Variants in LINGO2 observed in about 807,000 individuals in gnomAD.
LINGO2 encodes the protein leucine-rich repeat and immunoglobulin-like domain-containing nogo receptor-interacting protein 2.
LINGO2 carries 14 observed loss-of-function variants against 30.6 expected under a neutral mutation model. The observed-to-expected ratio is 0.46, with a 90% CI of 0.30 to 0.72. The LOEUF (loss-of-function observed/expected upper bound fraction) is 0.72, where lower values mean the gene tolerates loss of function less well. Among genes scored for constraint, LINGO2 ranks in the 30% least tolerant of loss-of-function variants. LINGO2 has a pLI of 0.07. For synonymous variants in LINGO2, 317 were observed against 288.5 expected (o/e 1.10, Z -1.00); for missense variants, 729 against 751.7 (o/e 0.97, Z 0.35).
In LINGO2 at chr9:28,427,755, T is replaced by C. The variant is rs77851246; in HGVS notation, c.-279+48185A>G. On this transcript the variant is annotated intron_variant, in intron 2 of 5. Coordinates refer to ENST00000379992, the Ensembl canonical transcript of LINGO2. ...TCGTTCCAAAGGTATTCCTTTGTGT[T>C]ATGCATCAGGTGAAAAAGCTGTGCC... Among the ~76,000 whole-genome samples the C allele has an allele frequency of 6.5e-3, 995 of 152,256 alleles. 43 individuals are homozygous for C. In the East Asian group the frequency reaches 0.093, roughly 14 times the overall value.
the LINGO2 span, among the ~76,000 whole-genome samples, chr9:28,867,104 C>G: frequency 1.3e-5 from 2 of 152,186 alleles, no homozygotes; most frequent in African/African-American, 2.4e-5. Flanking sequence ...GCAGAACTGA[C>G]AGAGGAATCT....
chr9:29,091,256 T>A, the LINGO2 span, among the ~76,000 whole-genome samples: 1 of 152,156 alleles, frequency 6.6e-6, no homozygotes, highest in East Asian at 1.9e-4. Context: ...TAGTTACTCA[T>A]TTTACTTTAT....
intron 2 of LINGO2, among the ~76,000 whole-genome samples, chr9:28,373,410 A>T (rs1820981386): frequency 6.6e-6 from 1 of 152,182 alleles, no homozygotes; most frequent in South Asian, 2.1e-4. Context: ...GTTGTTTATA[A>T]TAAATGCTCT....
At chr9:28,695,860 T>C in the LINGO2 span, among the ~76,000 whole-genome samples, 23 of 151,932 alleles carry the variant, frequency 1.5e-4, no homozygotes, top group African/African-American at 3.1e-4. Flanking sequence ...ACTTCCCCAA[T>C]TGATAATTTT....
At chr9:28,871,939 T>G in the LINGO2 span, among the ~76,000 whole-genome samples, 1 of 152,048 alleles carries the variant, frequency 6.6e-6, no homozygotes, top group African/African-American at 2.4e-5. Flanking sequence ...CTACCTTATT[T>G]GGAGATTAAT....
chr9:28,652,415 G>A (rs748014479), intron 1 of LINGO2, among the ~76,000 whole-genome samples: 2 of 151,958 alleles, frequency 1.3e-5, no homozygotes, highest in South Asian at 2.1e-4. Context: ...TTTATTTTTG[G>A]TGACAGTTTC....
the LINGO2 span, chr9:27,941,417 C>T: frequency 1.3e-5 from 2 of 152,168 alleles, no homozygotes; most frequent in Non-Finnish European, 2.9e-5. Context: ...AGCCTGTTGA[C>T]AGAGTGAGAC....
chr9:28,052,440 G>C (rs1170221839), intron 4 of LINGO2, among the ~76,000 whole-genome samples: 1 of 152,054 alleles, frequency 6.6e-6, no homozygotes, highest in Non-Finnish European at 1.5e-5. Context: ...AGAAGCTAGA[G>C]AGCACATTTC....
At chr9:28,921,535 G>T in the LINGO2 span, among the ~76,000 whole-genome samples, 1 of 152,272 alleles carries the variant, frequency 6.6e-6, no homozygotes, top group East Asian at 1.9e-4. Context: ...TGTGATGTGG[G>T]GACCTGCTGC....
At chr9:28,721,560 C>A in the LINGO2 span, among the ~76,000 whole-genome samples, 4 of 152,202 alleles carry the variant, frequency 2.6e-5, no homozygotes, top group Admixed American at 2.6e-4. Flanking sequence ...AACACAGGAA[C>A]AGAAAACCAA....
chr9:28,467,622 A>G (rs1437994110), intron 2 of LINGO2, among the ~76,000 whole-genome samples: 1 of 152,178 alleles, frequency 6.6e-6, no homozygotes, highest in Non-Finnish European at 1.5e-5. Context: ...AGAAAACTAC[A>G]GTAAAATTGA....
intron 2 of LINGO2, among the ~76,000 whole-genome samples, chr9:28,427,659 C>T (rs9298895): frequency 0.13 from 19,302 of 152,072 alleles, 1,426 homozygotes; most frequent in East Asian, 0.24. Flanking sequence ...TTTTATGCTC[C>T]TATTCCACAG....
At chr9:29,118,152 T>C in the LINGO2 span, among the ~76,000 whole-genome samples, 1 of 152,148 alleles carries the variant, frequency 6.6e-6, no homozygotes, top group African/African-American at 2.4e-5. Context: ...AGTTTCTTCA[T>C]TGCTGTTGGT....
At chr9:28,628,359 T>G (rs10757759) in intron 1 of LINGO2, among the ~76,000 whole-genome samples, 53,449 of 151,946 alleles carry the variant, frequency 0.35, 10,109 homozygotes, top group African/African-American at 0.46. Context: ...TGAGGCTGTG[T>G]CAGAGTTTGC....
At chr9:28,506,487 T>C (rs12352457) in intron 1 of LINGO2, among the ~76,000 whole-genome samples, 1,039 of 40,352 alleles carry the variant, frequency 0.026, 26 homozygotes, top group East Asian at 0.081. Context: ...CACATACACA[T>C]ACACACACAC....
At chr9:28,638,551 G>C (rs1485447539) in intron 1 of LINGO2, among the ~76,000 whole-genome samples, 1 of 152,064 alleles carries the variant, frequency 6.6e-6, no homozygotes, top group Non-Finnish European at 1.5e-5. Context: ...GTCTTGGGAG[G>C]GGGTATGTGT....
At chr9:28,950,479 T>G in the LINGO2 span, among the ~76,000 whole-genome samples, 1 of 152,110 alleles carries the variant, frequency 6.6e-6, no homozygotes, top group Non-Finnish European at 1.5e-5. Context: ...ATGACATGAT[T>G]GCATATTTAG....
At chr9:28,017,824 AT>A (rs1355179454) in intron 4 of LINGO2, among the ~76,000 whole-genome samples, 1 of 152,182 alleles carries the variant, frequency 6.6e-6, no homozygotes, top group Non-Finnish European at 1.5e-5. Flanking sequence ...CAAACTACCA[AT>A]GACATTCTTC....
the LINGO2 span, among the ~76,000 whole-genome samples, chr9:29,195,031 C>A: frequency 6.7e-6 from 1 of 149,442 alleles, no homozygotes; most frequent in African/African-American, 2.5e-5. Flanking sequence ...ATAACCCTAC[C>A]CACCCCCACC....
Sources: gnomAD v4.1 joint callset for allele counts (sites outside exome capture counted in the v4.1 genomes callset) on GRCh38, gnomAD v4.1.1 for gene constraint, MANE v1.5 for transcripts, NCBI Gene and HGNC (gene_info 2026-07-23, HGNC 2026-07-21) for gene names.